Variants in SI observed in about 807,000 individuals in gnomAD.
SI encodes sucrase-isomaltase, intestinal.
In SI, 235 loss-of-function variants were observed where a neutral mutation model predicts 253.3. That is an observed-to-expected ratio of 0.93 (90% CI 0.83 to 1.03). The LOEUF (loss-of-function observed/expected upper bound fraction) is 1.03. Among genes scored for constraint, SI ranks in the 50% least tolerant of loss-of-function variants. The pLI, the probability that SI is intolerant of heterozygous loss-of-function variation, is 0.00. For missense variants in SI, 2,442 were observed against 2,211.1 expected (o/e 1.10, Z -2.09); for synonymous variants, 819 against 712.0 (o/e 1.15, Z -2.39).
intron 45 of SI, 28 bp downstream of exon 45, chr3:164,987,110 A>G (rs1355153802): frequency 6.6e-7 from 1 of 1,515,772 alleles, no homozygotes. Flanking sequence ...GACATCAATT[A>G]AATTTATCTA....
intron 26 of SI, among the ~76,000 whole-genome samples, chr3:165,021,801 A>G (rs1214780504): frequency 6.6e-6 from 1 of 151,582 alleles, no homozygotes; most frequent in Non-Finnish European, 1.5e-5. Context: ...TTTCTTCAGC[A>G]CATTTCTTAA....
At position 165,043,273 on chromosome 3, in the gene SI, A is replaced by G. The variant is rs1195546864; in HGVS notation, c.1888-98T>C. On this transcript the variant is annotated intron_variant, in intron 16 of 47. Transcript: ENST00000264382. The stretch of plus-strand genomic sequence containing the variant: ...CTCAACTGATGAATGTGCCTTATAT[A>G]CAATTTGTTTTACTCCTTTTATATA... 5 of 800,878 alleles carry G rather than the reference A, an allele frequency of 6.2e-6. No homozygotes were observed. In the Admixed American group the frequency reaches 8.6e-5, roughly 14 times the overall value. The allele number at this position is 800,878 out of a possible 1,614,324, so 49.6% of individuals were successfully genotyped here.
chr3:165,017,962 T>C lies in SI; in HGVS notation c.3520+8A>G. On this transcript the variant is annotated splice_region_variant and intron_variant, in intron 29 of 47. Coordinates refer to ENST00000264382, the MANE Select transcript of SI (RefSeq NM_001041.4). ...AAATAAGAGACATTCAACAAATGAT[T>C]GTTTTACCCATTGCATTGCTGTTGA... The C allele has an allele frequency of 6.2e-7, 1 of 1,600,050 alleles. No homozygotes were observed. Among genetic ancestry groups the C allele is most frequent in the Non-Finnish European group, 8.6e-7 (1 of 1,167,534 alleles).
At chr3:165,039,446 T>C (rs190744560) in intron 19 of SI, among the ~76,000 whole-genome samples, 4 of 152,226 alleles carry the variant, frequency 2.6e-5, no homozygotes, top group African/African-American at 9.6e-5. Flanking sequence ...TATACCTCAA[T>C]GGACACATGC....
chr3:165,085,081 T>A, the SI span, among the ~76,000 whole-genome samples: 1 of 152,132 alleles, frequency 6.6e-6, no homozygotes, highest in Non-Finnish European at 1.5e-5. Context: ...ACTATTAAAG[T>A]TAATTGGTAA....
intron 13 of SI, among the ~76,000 whole-genome samples, chr3:165,052,847 T>C (rs915993885): frequency 6.6e-5 from 10 of 152,224 alleles, no homozygotes; most frequent in African/African-American, 2.4e-4. Context: ...ACATGAAATG[T>C]AGAAAGAATA....
At chr3:165,001,713 T>C (rs1718263878) in intron 37 of SI, among the ~76,000 whole-genome samples, 1 of 151,476 alleles carries the variant, frequency 6.6e-6, no homozygotes, top group African/African-American at 2.4e-5. Context: ...AACAGCTGAT[T>C]AATAGAAAGT....
intron 12 of SI, 37 bp from the exon 13 acceptor site, chr3:165,055,344 A>T: frequency 1.9e-6 from 2 of 1,070,222 alleles, no homozygotes; most frequent in Non-Finnish European, 2.9e-6. Context: ...TACATAAAAA[A>T]TAGAAAAATA....
rs79327727 is a variant in SI, at chr3:164,994,490, A to C, written c.4693-85T>G. The C allele has an allele frequency of 0.011, 14,888 of 1,401,876 alleles. 1,251 individuals carry two copies. In the African/African-American group the frequency reaches 0.19, roughly 17 times the overall value. The allele number at this position is 1,401,876 out of a possible 1,614,324, so 86.8% of individuals were successfully genotyped here. On this transcript the variant is annotated intron_variant, in intron 40 of 47. Coordinates refer to ENST00000264382, the MANE Select transcript of SI (RefSeq NM_001041.4). Reference sequence around the variant, plus strand: ...CATATTCATATTTGAAGAACTAAAAAGTAAGACATGATATTAATTGATTGT... The same window carrying C: ...CATATTCATATTTGAAGAACTAAAACGTAAGACATGATATTAATTGATTGT...
chr3:165,071,564 C>T (rs892487509), intron 3 of SI, among the ~76,000 whole-genome samples: 1 of 151,728 alleles, frequency 6.6e-6, no homozygotes, highest in Non-Finnish European at 1.5e-5. Context: ...TGTATATTCA[C>T]TGTATTATGC....
chr3:165,052,049 A>T (rs373968708), intron 13 of SI, among the ~76,000 whole-genome samples: 1 of 152,066 alleles, frequency 6.6e-6, no homozygotes, highest in Admixed American at 6.6e-5. Context: ...TACATAATAC[A>T]TGACATTTAA....
intron 37 of SI, among the ~76,000 whole-genome samples, chr3:165,004,641 C>T (rs146461091): frequency 3.9e-5 from 6 of 151,920 alleles, no homozygotes; most frequent in Non-Finnish European, 7.4e-5. Flanking sequence ...TCATTTGCAA[C>T]GACATGTAGG....
intron 3 of SI, among the ~76,000 whole-genome samples, chr3:165,072,364 T>A (rs897682724): frequency 3.3e-5 from 5 of 151,932 alleles, no homozygotes; most frequent in East Asian, 1.9e-4. Context: ...TTTTAAAGAA[T>A]CTTTAGGGTA....
intron 12 of SI, 99 bp from the exon 13 acceptor site, chr3:165,055,406 G>C: frequency 1.4e-6 from 1 of 701,300 alleles, no homozygotes; most frequent in Admixed American, 2.3e-5. Context: ...AAAAAATAAA[G>C]TTATTCTACT....
intron 37 of SI, 42 bp from the exon 38 acceptor site, chr3:164,998,715 A>G (rs757970687): frequency 1.0e-5 from 16 of 1,535,506 alleles, no homozygotes; most frequent in Non-Finnish European, 1.4e-5. Flanking sequence ...TACATGAGAT[A>G]TTTTCTCCAA....
intron 22 of SI, among the ~76,000 whole-genome samples, chr3:165,034,909 C>T (rs1003473506): frequency 2.0e-5 from 3 of 151,972 alleles, no homozygotes; most frequent in African/African-American, 7.2e-5. Context: ...AAAAGAGCTA[C>T]AGGCCAGTTA....
At chr3:165,032,905 A>G (rs912565597) in intron 23 of SI, among the ~76,000 whole-genome samples, 1 of 151,460 alleles carries the variant, frequency 6.6e-6, no homozygotes, top group Non-Finnish European at 1.5e-5. Flanking sequence ...GATAACCTTA[A>G]TTACTCATAT....
intron 40 of SI, 51 bp from the exon 41 acceptor site, chr3:164,994,456 C>A: frequency 6.4e-7 from 1 of 1,557,538 alleles, no homozygotes; most frequent in South Asian, 1.1e-5. Context: ...TTGTTTAAGT[C>A]ATAATATTCA....
chr3:165,040,116 G>T, intron 18 of SI, 145 bp from the exon 19 acceptor site: 7 of 696,144 alleles, frequency 1.0e-5, no homozygotes, highest in East Asian at 2.7e-5. Flanking sequence ...TCAATTCATG[G>T]TTCTTACATC....
Sources: gnomAD v4.1 joint callset for allele counts (sites outside exome capture counted in the v4.1 genomes callset) on GRCh38, gnomAD v4.1.1 for gene constraint, MANE v1.5 for transcripts, NCBI Gene and HGNC (gene_info 2026-07-23, HGNC 2026-07-21) for gene names.